FBXL13: variants seen among roughly 807,000 people sequenced by gnomAD.
The protein encoded by FBXL13 is F-box and leucine rich repeat protein 13.
In FBXL13, 67 loss-of-function variants were observed where a neutral mutation model predicts 83.6. The ratio of observed to expected loss-of-function variants is 0.80; its 90% confidence interval spans 0.66 to 0.98. The LOEUF (loss-of-function observed/expected upper bound fraction) is 0.98, where lower values mean the gene tolerates loss of function less well. Ranked by LOEUF, FBXL13 falls within the 50% of genes least tolerant of loss-of-function variation. The pLI, the probability that FBXL13 is intolerant of heterozygous loss-of-function variation, is 0.00. For synonymous variants in FBXL13, 272 were observed against 299.5 expected (o/e 0.91, Z 0.95); for missense variants, 822 against 866.5 (o/e 0.95, Z 0.64).
intron 18 of FBXL13, among the ~76,000 whole-genome samples, chr7:102,828,318 C>G (rs1800089889): frequency 6.6e-6 from 1 of 152,114 alleles, no homozygotes; most frequent in African/African-American, 2.4e-5. Context: ...AAGTTGGATT[C>G]CTAGGTATTT....
intron 18 of FBXL13, chr7:102,826,962 A>G: frequency 3.3e-6 from 1 of 303,896 alleles, no homozygotes; most frequent in South Asian, 2.6e-5. Context: ...ATTTTCATTT[A>G]TTTGTGAGAA....
intron 19 of FBXL13, among the ~76,000 whole-genome samples, chr7:102,817,172 G>GCA (rs1380429682): frequency 6.6e-6 from 1 of 152,170 alleles, no homozygotes; most frequent in Non-Finnish European, 1.5e-5. Flanking sequence ...AGTTCTTTGA[G>GCA]AAGTTTTTAT....
At chr7:102,989,349 A>G (rs952959292) in intron 6 of FBXL13, among the ~76,000 whole-genome samples, 4 of 152,252 alleles carry the variant, frequency 2.6e-5, no homozygotes, top group Non-Finnish European at 4.4e-5. Context: ...CAAAGTCAAC[A>G]GACTCTCCAG....
At chr7:102,985,750 G>A (rs1363575841) in intron 6 of FBXL13, among the ~76,000 whole-genome samples, 3 of 152,162 alleles carry the variant, frequency 2.0e-5, no homozygotes, top group Admixed American at 2.0e-4. Flanking sequence ...AGACCTCAGA[G>A]TTTTGGTTCA....
At chr7:102,998,657 T>C (rs1256562346) in intron 6 of FBXL13, among the ~76,000 whole-genome samples, 1 of 151,934 alleles carries the variant, frequency 6.6e-6, no homozygotes, top group African/African-American at 2.4e-5. Context: ...TTTGGTGGAG[T>C]CTTTACGTTT....
intron 8 of FBXL13, chr7:102,944,163 T>C: frequency 6.8e-7 from 1 of 1,479,768 alleles, no homozygotes; most frequent in Non-Finnish European, 9.1e-7. Context: ...TGCCATACAC[T>C]GTATTAACTC....
At chr7:103,034,908 T>C (rs1478718715) in intron 2 of FBXL13, among the ~76,000 whole-genome samples, 2 of 152,190 alleles carry the variant, frequency 1.3e-5, no homozygotes, top group Non-Finnish European at 2.9e-5. Context: ...AAAAACACAA[T>C]CTTTCAAATT....
chr7:102,837,529 G>A (rs538011432), intron 17 of FBXL13, among the ~76,000 whole-genome samples: 3 of 152,322 alleles, frequency 2.0e-5, no homozygotes, highest in Admixed American at 2.0e-4. Flanking sequence ...ATTCTTCTCT[G>A]TGGAAGAGAT....
At chr7:102,974,702 C>G (rs762396005) in intron 6 of FBXL13, among the ~76,000 whole-genome samples, 10 of 152,068 alleles carry the variant, frequency 6.6e-5, no homozygotes, top group Non-Finnish European at 1.5e-4. Flanking sequence ...CCTCCCAACT[C>G]GACATATTTT....
At chr7:102,976,077 C>T in intron 6 of FBXL13, 1 of 766,324 alleles carries the variant, frequency 1.3e-6, no homozygotes, top group East Asian at 2.4e-5. Flanking sequence ...TGAGCGGCCC[C>T]TGCAAGGACC....
intron 8 of FBXL13, chr7:102,939,438 A>G (rs1820964222): frequency 1.2e-6 from 2 of 1,604,446 alleles, no homozygotes; most frequent in South Asian, 2.2e-5. Context: ...AGAGTTGAAA[A>G]AAGTGCCAAA....
intron 14 of FBXL13, among the ~76,000 whole-genome samples, chr7:102,880,470 C>T (rs553112207): frequency 3.5e-4 from 53 of 152,224 alleles, no homozygotes; most frequent in African/African-American, 1.2e-3. Context: ...TATATTACAT[C>T]ATTTGTTTCT....
At chr7:102,949,580 G>C (rs1209388748) in intron 8 of FBXL13, among the ~76,000 whole-genome samples, 1 of 152,008 alleles carries the variant, frequency 6.6e-6, no homozygotes, top group Non-Finnish European at 1.5e-5. Context: ...ACCAAGATAA[G>C]ACAGACATTA....
intron 16 of FBXL13, among the ~76,000 whole-genome samples, chr7:102,859,556 G>A (rs1027232480): frequency 1.3e-5 from 2 of 152,170 alleles, no homozygotes; most frequent in African/African-American, 2.4e-5. Context: ...GATTTCTGAT[G>A]CCAAGGTTTT....
chr7:102,994,786 G>A (rs896258505), intron 6 of FBXL13, among the ~76,000 whole-genome samples: 2 of 152,160 alleles, frequency 1.3e-5, no homozygotes, highest in Admixed American at 6.5e-5. Flanking sequence ...ATTGGTCAGT[G>A]CAGGCTACAC....
At position 102,996,129 on chromosome 7, in the gene FBXL13, A is replaced by T. The variant is rs116063579; in HGVS notation, c.496-28012T>A. The stretch of plus-strand genomic sequence containing the variant: ...TAAACCCAGTTCTCCCTGAGTCCTG[A>T]GCCTGGACTTTTAATCAATATATTG... On this transcript the variant is annotated intron_variant, in intron 6 of 19. Coordinates refer to ENST00000313221, the Ensembl canonical transcript of FBXL13. 7.7e-4 allele frequency among the ~76,000 whole-genome samples: 118 copies of T among 152,310 alleles called. 1 individual carries two copies. The highest frequency in any genetic ancestry group is 2.8e-3 in the African/African-American group (115 of 41,560).
At chr7:102,912,162 G>A (rs572552121) in intron 11 of FBXL13, among the ~76,000 whole-genome samples, 2,864 of 152,198 alleles carry the variant, frequency 0.019, 84 homozygotes, top group African/African-American at 0.066. Flanking sequence ...CAACCACCCT[G>A]AGCCTTGGTC....
At chr7:102,813,288 G>A in exon 20 of FBXL13, 1 of 1,501,026 alleles carries the variant, frequency 6.7e-7, no homozygotes, top group South Asian at 1.3e-5. Context: ...TGCAACAAAT[G>A]GAGAAAACTT....
intron 8 of FBXL13, chr7:102,934,213 G>A (rs1379761033): frequency 1.2e-6 from 2 of 1,614,228 alleles, no homozygotes; most frequent in Non-Finnish European, 1.7e-6. Context: ...AGAACAACAT[G>A]TTTTCCAAGT....
Sources: gnomAD v4.1 joint callset for allele counts (sites outside exome capture counted in the v4.1 genomes callset) on GRCh38, gnomAD v4.1.1 for gene constraint, MANE v1.5 for transcripts, NCBI Gene and HGNC (gene_info 2026-07-23, HGNC 2026-07-21) for gene names.